The following COL26A1 variants were observed in gnomAD, a reference collection of about 807,000 sequenced individuals.
COL26A1 encodes collagen type XXVI alpha 1 chain, also known as collagen alpha-1(XXVI) chain.
COL26A1 carries 41 observed loss-of-function variants against 59.3 expected under a neutral mutation model. The observed-to-expected ratio is 0.69, with a 90% CI of 0.54 to 0.90. The LOEUF is 0.90. Among genes scored for constraint, COL26A1 ranks in the 40% least tolerant of loss-of-function variants. The pLI, the probability that COL26A1 is intolerant of heterozygous loss-of-function variation, is 0.00. For missense variants in COL26A1, 612 were observed against 602.3 expected (o/e 1.02, Z -0.17); for synonymous variants, 266 against 256.0 (o/e 1.04, Z -0.37).
chr7:101,457,882 G>C (rs1196056879), intron 3 of COL26A1, among the ~76,000 whole-genome samples: 1 of 147,930 alleles, frequency 6.8e-6, no homozygotes, highest in Non-Finnish European at 1.5e-5. Flanking sequence ...GCTAGGTTGT[G>C]GTATAGCTTA....
At chr7:101,425,940 C>T (rs1408986554) in intron 2 of COL26A1, among the ~76,000 whole-genome samples, 1 of 151,630 alleles carries the variant, frequency 6.6e-6, no homozygotes, top group Non-Finnish European at 1.5e-5. Flanking sequence ...GATTGTCCTA[C>T]CCCAGACTTC....
chr7:101,406,671 C>T (rs910270566), intron 1 of COL26A1, among the ~76,000 whole-genome samples: 4 of 152,158 alleles, frequency 2.6e-5, no homozygotes, highest in African/African-American at 9.7e-5. Flanking sequence ...CATGTGTTGG[C>T]CGGGTGCAGT....
chr7:101,445,362 A>C (rs1162230715), intron 2 of COL26A1, among the ~76,000 whole-genome samples: 3 of 151,992 alleles, frequency 2.0e-5, no homozygotes, highest in African/African-American at 7.2e-5. Flanking sequence ...GTTTACAAGC[A>C]TGGTGCCGGC....
At chr7:101,374,191 C>A (rs1343618377) in intron 1 of COL26A1, among the ~76,000 whole-genome samples, 1 of 152,154 alleles carries the variant, frequency 6.6e-6, no homozygotes, top group Non-Finnish European at 1.5e-5. Flanking sequence ...CTCCCAGAAA[C>A]CAGGGTCTAG....
chr7:101,537,808 C>A (rs73173919), intron 4 of COL26A1, among the ~76,000 whole-genome samples: 2,176 of 152,250 alleles, frequency 0.014, 22 homozygotes, highest in Non-Finnish European at 0.022. Flanking sequence ...TCCTCCTCCA[C>A]CCTAGCCTCC....
intron 1 of COL26A1, among the ~76,000 whole-genome samples, chr7:101,398,487 C>G (rs148554837): frequency 6.6e-6 from 1 of 152,174 alleles, no homozygotes; most frequent in Non-Finnish European, 1.5e-5. Flanking sequence ...CGCTTATGGA[C>G]GGAATCCTGA....
rs181113031 is a variant in COL26A1, at chr7:101,370,481, C to T, written c.158+7291C>T. ...CGCTTCCCAGGTTGAAGCGATTCTC[C>T]TGCCTCAGCCTTCCGACTAGCTGGT... On this transcript the variant is annotated intron_variant, in intron 1 of 12. Coordinates refer to ENST00000313669, the MANE Select transcript of COL26A1 (RefSeq NM_001278563.3). Among the ~76,000 whole-genome samples, 247 of 152,254 alleles carry T rather than the reference C, an allele frequency of 1.6e-3. 1 individual carries two copies. Among genetic ancestry groups the T allele is most frequent in the African/African-American group, 5.8e-3 (239 of 41,558 alleles).
intron 3 of COL26A1, among the ~76,000 whole-genome samples, chr7:101,471,570 TG>T (rs1390107115): frequency 1.3e-4 from 18 of 136,408 alleles, no homozygotes; most frequent in African/African-American, 4.0e-4. Flanking sequence ...TGTTGTTGTT[TG>T]TTTTTTTTTT....
Position 101,482,888 on chromosome 7 carries a change from C to A in COL26A1, c.385+35101C>A, listed in dbSNP as rs577059731. On this transcript the variant is annotated intron_variant, in intron 3 of 12. Transcript: ENST00000313669. Reference sequence around the variant, plus strand: ...AGGAGAATCGCTTGAACCTGGAAGGCGGAGGTTGCAGTGAGACAAGATGGT... The same window carrying A: ...AGGAGAATCGCTTGAACCTGGAAGGAGGAGGTTGCAGTGAGACAAGATGGT... 5.3e-5 allele frequency among the ~76,000 whole-genome samples: 8 copies of A among 152,190 alleles called. No homozygotes were observed. The East Asian group carries it at 1.5e-3, about 29-fold the overall frequency.
At chr7:101,498,565 C>T (rs1468512648) in intron 3 of COL26A1, among the ~76,000 whole-genome samples, 5 of 152,144 alleles carry the variant, frequency 3.3e-5, no homozygotes, top group South Asian at 2.1e-4. Context: ...TGCCTCTAAG[C>T]GTTTGTTTGC....
At chr7:101,384,900 C>T (rs1301386496) in intron 1 of COL26A1, among the ~76,000 whole-genome samples, 1 of 152,062 alleles carries the variant, frequency 6.6e-6, no homozygotes. Flanking sequence ...GGTCTGAAAG[C>T]CCCTGGCAAA....
At chr7:101,430,826 G>A (rs2410827) in intron 2 of COL26A1, among the ~76,000 whole-genome samples, 17,396 of 151,450 alleles carry the variant, frequency 0.11, 1,884 homozygotes, top group African/African-American at 0.29. Context: ...ACGGAGTCTC[G>A]CTCTGTCACC....
At chr7:101,374,783 C>T (rs547469656) in intron 1 of COL26A1, among the ~76,000 whole-genome samples, 62 of 152,298 alleles carry the variant, frequency 4.1e-4, no homozygotes, top group African/African-American at 1.3e-3. Flanking sequence ...AGGCCAGACA[C>T]GGTGGCTCAC....
Position 101,371,375 on chromosome 7 carries a change from A to G in COL26A1, c.158+8185A>G, listed in dbSNP as rs142168087. Among the ~76,000 whole-genome samples the G allele has an allele frequency of 1.2e-4, 19 of 152,176 alleles. No individual in the cohort carries two copies. In the East Asian group the frequency reaches 3.5e-3, roughly 28 times the overall value. On this transcript the variant is annotated intron_variant, in intron 1 of 12. Transcript: ENST00000313669. ...CAAGAATTGGCAACTGTGATTAGCT[A>G]TGGTGCCTCATGCCTTTAATCCCAG... is the stretch of plus-strand genomic sequence containing the variant.
rs767050454 is a variant in COL26A1 at position 101,545,330 on chromosome 7, C to T, written c.704-8C>T. ...CTGCCACAGTGACTGTTCTTTTCCT[C>T]ATTGCAGGGCTCCTGGGGCCTCCAG... On this transcript the variant is annotated splice_region_variant and splice_polypyrimidine_tract_variant and intron_variant, in intron 6 of 12. Coordinates refer to ENST00000313669, the MANE Select transcript of COL26A1 (RefSeq NM_001278563.3). 16 of 1,555,870 alleles carry T rather than the reference C, an allele frequency of 1.0e-5. No homozygotes were observed. Among genetic ancestry groups the T allele is most frequent in the Non-Finnish European group, 1.1e-5 (13 of 1,159,456 alleles).
At chr7:101,445,110 G>A (rs1420164561) in intron 2 of COL26A1, among the ~76,000 whole-genome samples, 1 of 151,760 alleles carries the variant, frequency 6.6e-6, no homozygotes, top group African/African-American at 2.4e-5. Flanking sequence ...CAAAGTGCTG[G>A]GATTACAGGC....
chr7:101,492,107 C>T (rs76684815), intron 3 of COL26A1, among the ~76,000 whole-genome samples: 4,156 of 152,124 alleles, frequency 0.027, 73 homozygotes, highest in South Asian at 0.062. Flanking sequence ...CAGAGGAAGC[C>T]GCTGGTAAGC....
At chr7:101,543,870 G>A in intron 5 of COL26A1, 128 bp from the exon 6 acceptor site, 3 of 618,394 alleles carry the variant, frequency 4.9e-6, no homozygotes, top group South Asian at 2.2e-5. Flanking sequence ...GCCTTTGCCT[G>A]TTTAGGGAGT....
chr7:101,363,163 C>A lies in COL26A1; in HGVS notation c.131C>A (p.Ser44Tyr), dbSNP rs1167562506. The change falls in exon 1 of 13, where the codon TCC becomes TAC. Residue 44 changes from serine (S) to tyrosine (Y), a missense_variant. Physicochemically the swap from Ser to Tyr is moderately radical, Grantham distance 144. Coordinates refer to ENST00000313669, the MANE Select transcript of COL26A1 (RefSeq NM_001278563.3). ...GGCTACCCCGAGCCCGGCGCCGGCT[C>A]CCCTGGCAGCGGCTACGCGAGCCGC... ...QHGYPEPGAGSPGSGYASRRH... is the reference protein window; with the variant it reads ...QHGYPEPGAGYPGSGYASRRH... The A allele has an allele frequency of 1.5e-5, 22 of 1,508,386 alleles. No individual in the cohort carries two copies. The highest frequency in any genetic ancestry group is 1.9e-5 in the Non-Finnish European group (22 of 1,135,904). The allele number at this position is 1,508,386 out of a possible 1,614,324, so 93.4% of individuals were successfully genotyped here.
Sources: allele counts gnomAD v4.1 joint callset (sites outside exome capture counted in the v4.1 genomes callset), GRCh38; gene constraint gnomAD v4.1.1; transcripts MANE v1.5; gene names NCBI Gene and HGNC (gene_info 2026-07-23, HGNC 2026-07-21).